Variants in TBCK observed in about 807,000 individuals in gnomAD.
TBCK encodes TBC1 domain containing kinase.
TBCK carries 99 observed loss-of-function variants against 113.4 expected under a neutral mutation model. The observed-to-expected ratio is 0.87, with a 90% CI of 0.74 to 1.03. The LOEUF is 1.03. Among genes scored for constraint, TBCK ranks in the 50% least tolerant of loss-of-function variants. TBCK has a pLI of 0.00. For missense variants in TBCK, 1,045 were observed against 1,061.3 expected (o/e 0.98, Z 0.21); for synonymous variants, 369 against 370.8 (o/e 1.00, Z 0.05).
At chr4:106,239,127 C>G (rs1332745893) in intron 12 of TBCK, among the ~76,000 whole-genome samples, 1 of 152,086 alleles carries the variant, frequency 6.6e-6, no homozygotes, top group African/African-American at 2.4e-5. Context: ...TCTTAACTAA[C>G]TTGGGTTTTA....
chr4:106,206,805 A>G (rs1030878910), intron 20 of TBCK, among the ~76,000 whole-genome samples: 1 of 152,200 alleles, frequency 6.6e-6, no homozygotes, highest in Non-Finnish European at 1.5e-5. Flanking sequence ...ATAAGCTTTT[A>G]AGTAGTATAA....
At chr4:106,060,408 A>C (rs1224631935) in intron 25 of TBCK, among the ~76,000 whole-genome samples, 1 of 151,772 alleles carries the variant, frequency 6.6e-6, no homozygotes, top group Non-Finnish European at 1.5e-5. Context: ...CTTAAGAATT[A>C]TGCCAAATCT....
intron 20 of TBCK, among the ~76,000 whole-genome samples, chr4:106,198,613 G>A (rs1273358441): frequency 6.6e-6 from 1 of 151,864 alleles, no homozygotes; most frequent in Non-Finnish European, 1.5e-5. Flanking sequence ...ATCCCACTAT[G>A]CTTTGTATCA....
At chr4:106,275,295 C>T (rs149834414) in intron 3 of TBCK, among the ~76,000 whole-genome samples, 1 of 152,172 alleles carries the variant, frequency 6.6e-6, no homozygotes, top group African/African-American at 2.4e-5. Context: ...TGATAAAAGG[C>T]ATATATAAAA....
At chr4:106,231,529 A>G (rs1490449024) in intron 18 of TBCK, among the ~76,000 whole-genome samples, 200 bp downstream of exon 18, 2 of 151,802 alleles carry the variant, frequency 1.3e-5, no homozygotes, top group African/African-American at 4.8e-5. Context: ...AATTTCTAGT[A>G]ATAGCTTTAG....
intron 24 of TBCK, among the ~76,000 whole-genome samples, chr4:106,104,268 C>T (rs575425698): frequency 4.6e-5 from 7 of 152,218 alleles, no homozygotes; most frequent in Non-Finnish European, 1.0e-4. Flanking sequence ...CAAGATAAGA[C>T]CTACTGGCTT....
chr4:106,252,244 G>C (rs537726387), intron 5 of TBCK, among the ~76,000 whole-genome samples: 2 of 152,082 alleles, frequency 1.3e-5, no homozygotes, highest in South Asian at 4.1e-4. Context: ...TCCAGCATTA[G>C]CTCCTTTATT....
chr4:106,272,355 T>A (rs1763579821), intron 3 of TBCK, among the ~76,000 whole-genome samples: 1 of 152,132 alleles, frequency 6.6e-6, no homozygotes, highest in Non-Finnish European at 1.5e-5. Context: ...ATAGCCCCCA[T>A]CATCCTTTCT....
At chr4:106,143,283 C>A (rs1457592204) in intron 23 of TBCK, among the ~76,000 whole-genome samples, 1 of 152,126 alleles carries the variant, frequency 6.6e-6, no homozygotes, top group Non-Finnish European at 1.5e-5. Flanking sequence ...ACTTGTTGTG[C>A]TTACAGGGCA....
chr4:106,166,955 G>A (rs1413494451), intron 23 of TBCK, among the ~76,000 whole-genome samples: 1 of 150,604 alleles, frequency 6.6e-6, no homozygotes, highest in Non-Finnish European at 1.5e-5. Context: ...GAAATTAGAA[G>A]CATTTTCATT....
At chr4:106,258,155 T>G (rs767285684) in intron 5 of TBCK, among the ~76,000 whole-genome samples, 1 of 152,048 alleles carries the variant, frequency 6.6e-6, no homozygotes, top group Non-Finnish European at 1.5e-5. Context: ...TTTCAACAAC[T>G]TTCTCTTCTG....
chr4:106,197,511 A>ATT (rs1198521663), intron 20 of TBCK, among the ~76,000 whole-genome samples: 1 of 151,080 alleles, frequency 6.6e-6, no homozygotes, highest in Non-Finnish European at 1.5e-5. Flanking sequence ...AGAAGAGTTC[A>ATT]TTTTTTCACT....
chr4:106,176,163 TTTTC>T (rs1751644903), intron 22 of TBCK, among the ~76,000 whole-genome samples: 1 of 152,158 alleles, frequency 6.6e-6, no homozygotes, highest in African/African-American at 2.4e-5. Context: ...CGAATATTTA[TTTTC>T]TTATGTTGGG....
chr4:106,256,181 G>A (rs572754900), intron 5 of TBCK, among the ~76,000 whole-genome samples: 4 of 152,218 alleles, frequency 2.6e-5, no homozygotes, highest in Admixed American at 1.3e-4. Flanking sequence ...TCAGGTCCAC[G>A]GGACCTGCAG....
intron 24 of TBCK, among the ~76,000 whole-genome samples, chr4:106,101,103 T>C (rs1017518422): frequency 4.6e-5 from 7 of 152,172 alleles, no homozygotes; most frequent in Non-Finnish European, 1.0e-4. Context: ...TGTGAGCTTC[T>C]GGTGGGCAGG....
chr4:106,267,766 T>A (rs1213058659), intron 3 of TBCK, among the ~76,000 whole-genome samples: 1 of 152,008 alleles, frequency 6.6e-6, no homozygotes, highest in Non-Finnish European at 1.5e-5. Context: ...GTTGGTATAA[T>A]CCCAAGTATA....
intron 19 of TBCK, among the ~76,000 whole-genome samples, chr4:106,220,817 C>G (rs1035578786): frequency 2.6e-5 from 4 of 152,114 alleles, no homozygotes; most frequent in African/African-American, 9.7e-5. Context: ...TTTAACTTTT[C>G]TTTAACTTTT....
intron 1 of TBCK, among the ~76,000 whole-genome samples, chr4:106,310,161 C>T (rs146004384): frequency 3.0e-4 from 45 of 152,240 alleles, no homozygotes; most frequent in African/African-American, 1.1e-3. Context: ...TCAATAAATC[C>T]ACTTTGACAA....
intron 25 of TBCK, among the ~76,000 whole-genome samples, chr4:106,056,841 TA>T (rs1735477151): frequency 6.6e-6 from 1 of 151,780 alleles, no homozygotes; most frequent in African/African-American, 2.4e-5. Flanking sequence ...CAATGTGTAC[TA>T]TTTAAAATTT....
Sources: allele counts gnomAD v4.1 joint callset (sites outside exome capture counted in the v4.1 genomes callset), GRCh38; gene constraint gnomAD v4.1.1; transcripts MANE v1.5; gene names NCBI Gene and HGNC (gene_info 2026-07-23, HGNC 2026-07-21).